The following C14orf39 variants were observed in gnomAD, a reference collection of about 807,000 sequenced individuals.
C14orf39 encodes the protein chromosome 14 open reading frame 39, also known as protein SIX6OS1.
Under a neutral mutation model 85.6 loss-of-function variants are expected in C14orf39, and 66 were observed. The observed-to-expected ratio is 0.77, with a 90% CI of 0.63 to 0.95. The LOEUF is 0.95. Ranked by LOEUF, C14orf39 falls within the 40% of genes least tolerant of loss-of-function variation. The pLI is 0.00. For synonymous variants in C14orf39, 242 were observed against 214.0 expected (o/e 1.13, Z -1.14); for missense variants, 735 against 663.9 (o/e 1.11, Z -1.18).
At chr14:60,497,625 TA>T (rs1359384676) in intron 2 of C14orf39, among the ~76,000 whole-genome samples, 1 of 152,152 alleles carries the variant, frequency 6.6e-6, no homozygotes, top group Non-Finnish European at 1.5e-5. Flanking sequence ...CCTGTAATCC[TA>T]GTACTTTGGG....
At chr14:60,447,040 GA>G (rs1398563075) in intron 16 of C14orf39, among the ~76,000 whole-genome samples, 1 of 152,130 alleles carries the variant, frequency 6.6e-6, no homozygotes, top group Non-Finnish European at 1.5e-5. Context: ...GGTATTGATG[GA>G]ACGTATCTCA....
chr14:60,461,135 G>T (rs925305525), intron 13 of C14orf39, among the ~76,000 whole-genome samples: 1 of 151,962 alleles, frequency 6.6e-6, no homozygotes, highest in Non-Finnish European at 1.5e-5. Context: ...AGTTATGTCT[G>T]AGTAGTGATA....
At chr14:60,461,098 T>C (rs10144990) in intron 13 of C14orf39, among the ~76,000 whole-genome samples, 132,434 of 151,878 alleles carry the variant, frequency 0.87, 58,229 homozygotes, top group Non-Finnish European at 0.92. Flanking sequence ...TAGAAAAAAA[T>C]GGTATGCACC....
At position 60,436,802 on chromosome 14, in the gene C14orf39, T is replaced by G; in HGVS notation, c.*43A>C. Reference sequence around the variant, plus strand: ...GCAATAATGTAAATTTATGCCCTCATGAACACAGAACAGTAAAATAATTTA... The same window carrying G: ...GCAATAATGTAAATTTATGCCCTCAGGAACACAGAACAGTAAAATAATTTA... On this transcript the variant is annotated 3_prime_UTR_variant, in exon 18 of 18. Coordinates refer to ENST00000321731, the MANE Select transcript of C14orf39 (RefSeq NM_174978.3). 1.4e-6 allele frequency: 2 copies of G among 1,380,878 alleles called. No individual in the cohort carries two copies. Among genetic ancestry groups the G allele is most frequent in the Non-Finnish European group, 1.0e-6 (1 of 988,322 alleles). 85.5% of individuals were successfully genotyped at this position (1,380,878 alleles called of 1,614,324 possible). A position where few individuals can be genotyped will look rare whatever the true frequency, so the allele number is the denominator to read the frequency against.
At chr14:60,439,435 G>T (rs1027045149) in intron 17 of C14orf39, among the ~76,000 whole-genome samples, 1 of 152,070 alleles carries the variant, frequency 6.6e-6, no homozygotes, top group Non-Finnish European at 1.5e-5. Flanking sequence ...AATGAAAATA[G>T]AAAATAAAAA....
At chr14:60,497,992 C>G (rs947779237) in intron 2 of C14orf39, among the ~76,000 whole-genome samples, 2 of 152,130 alleles carry the variant, frequency 1.3e-5, no homozygotes, top group African/African-American at 4.8e-5. Flanking sequence ...GCTACAGTGT[C>G]CTGGTAAATA....
chr14:60,486,342 T>C (rs1459327435), upstream of C14orf39, among the ~76,000 whole-genome samples: 1 of 152,236 alleles, frequency 6.6e-6, no homozygotes, highest in Admixed American at 6.5e-5. Context: ...TTTATTCCTC[T>C]TGTAACAAGT....
intron 8 of C14orf39, among the ~76,000 whole-genome samples, chr14:60,468,885 C>T (rs955081995): frequency 1.3e-5 from 2 of 151,484 alleles, no homozygotes; most frequent in African/African-American, 4.8e-5. Context: ...AATGATATTA[C>T]TGTTATTTGG....
At chr14:60,482,256 T>C (rs1176252306) in intron 4 of C14orf39, among the ~76,000 whole-genome samples, 2 of 152,166 alleles carry the variant, frequency 1.3e-5, no homozygotes, top group African/African-American at 4.8e-5. Flanking sequence ...ATGCAGCTAA[T>C]TGAGGAAAAC....
chr14:60,464,461 A>G (rs527717363), intron 11 of C14orf39, among the ~76,000 whole-genome samples: 1 of 152,260 alleles, frequency 6.6e-6, no homozygotes, highest in South Asian at 2.1e-4. Context: ...AGAGAGCTAT[A>G]TTCAGCTTCT....
upstream of C14orf39, among the ~76,000 whole-genome samples, chr14:60,489,574 T>C (rs181991929): frequency 7.9e-4 from 120 of 152,338 alleles, no homozygotes; most frequent in South Asian, 5.2e-3. Flanking sequence ...CCTCCTTCTG[T>C]TCTGTTACAA....
At chr14:60,477,023 T>C (rs1286389068) in intron 5 of C14orf39, among the ~76,000 whole-genome samples, 2 of 152,214 alleles carry the variant, frequency 1.3e-5, no homozygotes, top group East Asian at 3.8e-4. Flanking sequence ...ACTTCCTATA[T>C]TTTCCTTACT....
chr14:60,465,909 G>T, intron 11 of C14orf39, 70 bp downstream of exon 11: 12 of 700,650 alleles, frequency 1.7e-5, no homozygotes, highest in African/African-American at 3.7e-5. Context: ...TGTCTTAAGG[G>T]CAGTACATTC....
At chr14:60,464,455 A>C (rs1595464158) in intron 11 of C14orf39, among the ~76,000 whole-genome samples, 1 of 152,234 alleles carries the variant, frequency 6.6e-6, no homozygotes, top group South Asian at 2.1e-4. Context: ...TTTTGGAGAG[A>C]GCTATATTCA....
intron 1 of C14orf39, chr14:60,512,242 G>A (rs531636161): frequency 6.6e-6 from 1 of 152,160 alleles, no homozygotes; most frequent in South Asian, 2.1e-4. Context: ...GACTCAATAA[G>A]TGAGTCCTAT....
intron 5 of C14orf39, among the ~76,000 whole-genome samples, chr14:60,473,249 GTTCT>G (rs1045269057): frequency 2.7e-4 from 41 of 151,898 alleles, no homozygotes; most frequent in East Asian, 3.9e-4. Flanking sequence ...TTTTGATGGC[GTTCT>G]TTGTTTTTTC....
chr14:60,495,284 A>G (rs1371894655), intron 2 of C14orf39: 3 of 220,268 alleles, frequency 1.4e-5, no homozygotes, highest in Non-Finnish European at 2.9e-5. Context: ...TGGGTCTCTG[A>G]CCCTGGCTCA....
upstream of C14orf39, among the ~76,000 whole-genome samples, chr14:60,488,354 A>G (rs1343265573): frequency 6.6e-6 from 1 of 152,172 alleles, no homozygotes; most frequent in Non-Finnish European, 1.5e-5. Context: ...TTTCTTCTGG[A>G]AAAGCAATGA....
intron 15 of C14orf39, 103 bp downstream of exon 15, chr14:60,456,814 A>C: frequency 1.0e-6 from 1 of 997,126 alleles, no homozygotes; most frequent in African/African-American, 1.7e-5. Flanking sequence ...ATACTACATA[A>C]TAAAAACTTG....
Sources: allele counts gnomAD v4.1 joint callset (sites outside exome capture counted in the v4.1 genomes callset), GRCh38; gene constraint gnomAD v4.1.1; transcripts MANE v1.5; gene names NCBI Gene and HGNC (gene_info 2026-07-23, HGNC 2026-07-21).